ERO1A: variants seen among roughly 807,000 people sequenced by gnomAD.
The protein encoded by ERO1A is endoplasmic reticulum oxidoreductase 1 alpha, also known as ERO1-like protein alpha.
In ERO1A, 49 loss-of-function variants were observed where a neutral mutation model predicts 76.9. The observed-to-expected ratio is 0.64, with a 90% confidence interval of 0.51 to 0.81. The LOEUF is 0.81. Among genes scored for constraint, ERO1A ranks in the 30% least tolerant of loss-of-function variants. The pLI is 0.00. For missense variants in ERO1A, 448 were observed against 542.1 expected (o/e 0.83, Z 1.72); for synonymous variants, 174 against 181.2 (o/e 0.96, Z 0.32).
intron 12 of ERO1A, among the ~76,000 whole-genome samples, 177 bp from the exon 13 acceptor site, chr14:52,652,485 A>G (rs1335836213): frequency 2.6e-5 from 4 of 152,190 alleles, no homozygotes; most frequent in Non-Finnish European, 5.9e-5. Context: ...CTAACTGCGT[A>G]ATACAGAAAT....
At chr14:52,669,507 C>A (rs1261114289) in intron 6 of ERO1A, among the ~76,000 whole-genome samples, 2 of 152,108 alleles carry the variant, frequency 1.3e-5, no homozygotes, top group East Asian at 3.8e-4. Context: ...TAGGTCTATA[C>A]CCCTCATCCA....
rs759733006 is a variant in ERO1A at position 52,683,875 on chromosome 14, A to G, written c.147T>C (p.Asp49=). ...VSGYLDDCTC[D]VETIDRFNNY... is the part of the protein sequence containing the mutation. ...TATTAAATCTATCAATGGTTTCAAC[A>G]TCACAGGTACAATCATCCAAGTAAC... The change falls in exon 2 of 16, where the codon GAT becomes GAC. Residue 49 remains aspartate (D), a synonymous_variant. Transcript: ENST00000395686. 6.3e-7 allele frequency: 1 copy of G among 1,592,876 alleles called. No individual in the cohort carries two copies. The highest frequency in any genetic ancestry group is 2.2e-5 in the East Asian group (1 of 44,556).
chr14:52,658,794 A>C (rs2040135410), intron 9 of ERO1A, among the ~76,000 whole-genome samples: 1 of 152,180 alleles, frequency 6.6e-6, no homozygotes, highest in Admixed American at 6.5e-5. Context: ...TACAACTATG[A>C]AAATAGCAAG....
chr14:52,677,428 T>G (rs1174528154), intron 4 of ERO1A, among the ~76,000 whole-genome samples: 1 of 152,122 alleles, frequency 6.6e-6, no homozygotes, highest in Non-Finnish European at 1.5e-5. Flanking sequence ...ACCTGACTAG[T>G]ACTACTCAAA....
intron 1 of ERO1A, among the ~76,000 whole-genome samples, chr14:52,693,259 G>T (rs760160588): frequency 5.9e-5 from 9 of 151,888 alleles, no homozygotes; most frequent in Non-Finnish European, 1.0e-4. Flanking sequence ...CCTTAATCTG[G>T]GTAGGCACAA....
intron 4 of ERO1A, among the ~76,000 whole-genome samples, chr14:52,674,876 T>C (rs2040727848): frequency 6.6e-6 from 1 of 152,226 alleles, no homozygotes; most frequent in Non-Finnish European, 1.5e-5. Flanking sequence ...TGTATGGTAA[T>C]ACTTTTATTA....
intron 12 of ERO1A, among the ~76,000 whole-genome samples, chr14:52,652,643 C>T (rs2039911575): frequency 6.6e-6 from 1 of 152,156 alleles, no homozygotes; most frequent in Non-Finnish European, 1.5e-5. Flanking sequence ...AAAAGACCTA[C>T]AAGCAAAATT....
At position 52,683,886 on chromosome 14, in the gene ERO1A, A is replaced by G. The variant is rs2041083352; in HGVS notation, c.136T>C (p.Cys46Arg). 14 of 1,589,766 alleles carry G rather than the reference A, an allele frequency of 8.8e-6. No individual in the cohort carries two copies. The highest frequency in any genetic ancestry group is 1.2e-5 in the Non-Finnish European group (14 of 1,165,700). The change falls in exon 2 of 16, where the codon TGT (cysteine) becomes CGT (arginine). Residue 46 changes from cysteine to arginine, a missense_variant. Physicochemically the swap from Cys to Arg is radical, Grantham distance 180 (BLOSUM62 -3). This residue lies in a region of ERO1A where 146 missense variants were observed against 130.2 expected (regional missense o/e 1.12). Coordinates refer to ENST00000395686, the MANE Select transcript of ERO1A (RefSeq NM_014584.3). ...TCAATGGTTTCAACATCACAGGTAC[A>G]ATCATCCAAGTAACCACTAACCTGT... ...FCQVSGYLDD[C>R]TCDVETIDRF...
intron 9 of ERO1A, among the ~76,000 whole-genome samples, chr14:52,658,918 T>C (rs2040140250): frequency 6.6e-6 from 1 of 152,190 alleles, no homozygotes; most frequent in Admixed American, 6.5e-5. Context: ...ACAGAGATGA[T>C]AAACACTGTA....
At chr14:52,673,014 C>T (rs1361846847) in intron 4 of ERO1A, among the ~76,000 whole-genome samples, 1 of 152,048 alleles carries the variant, frequency 6.6e-6, no homozygotes, top group Non-Finnish European at 1.5e-5. Flanking sequence ...GGACTTTCCT[C>T]ATTTAATGTG....
intron 1 of ERO1A, among the ~76,000 whole-genome samples, chr14:52,690,658 G>A (rs552947186): frequency 2.0e-5 from 3 of 152,092 alleles, no homozygotes; most frequent in Non-Finnish European, 4.4e-5. Flanking sequence ...CCAAGATCAC[G>A]CCACTGCACT....
At chr14:52,657,047 A>G (rs965411553) in intron 11 of ERO1A, among the ~76,000 whole-genome samples, 11 of 152,228 alleles carry the variant, frequency 7.2e-5, no homozygotes, top group African/African-American at 2.7e-4. Context: ...GCAGCTTTCC[A>G]TGAGGCACAC....
Position 52,666,434 on chromosome 14 carries a change from A to G in ERO1A, c.570T>C (p.Gly190=), listed in dbSNP as rs753374682. ...DLLLNPERYT[G]YKGPDAWKIW... is the part of the protein sequence containing the mutation. ...TTTTCCAAGCATCTGGTCCCTTGTAACCAGTGTAGCGCTCAGGATTAAGAA... is the reference window on the plus strand; with the variant it reads ...TTTTCCAAGCATCTGGTCCCTTGTAGCCAGTGTAGCGCTCAGGATTAAGAA... Residue 190 remains glycine, a synonymous_variant, in exon 7 of 16, where the codon GGT becomes GGC. Transcript: ENST00000395686. 1.8e-5 allele frequency: 29 copies of G among 1,611,842 alleles called. No homozygotes were observed. The highest frequency in any genetic ancestry group is 2.2e-5 in the Non-Finnish European group (26 of 1,178,904).
chr14:52,653,397 GAAGTT>G (rs1223903190), intron 11 of ERO1A, 82 bp from the exon 12 acceptor site: 1 of 1,094,576 alleles, frequency 9.1e-7, no homozygotes. Flanking sequence ...CATGCCTATA[GAAGTT>G]AATTTCATTT....
intron 4 of ERO1A, among the ~76,000 whole-genome samples, chr14:52,673,338 C>T (rs914648582): frequency 2.0e-5 from 3 of 152,172 alleles, no homozygotes; most frequent in Admixed American, 6.5e-5. Context: ...AGTCTGTCTG[C>T]CTTGGCCTCC....
intron 1 of ERO1A, among the ~76,000 whole-genome samples, chr14:52,688,789 A>ATT (rs2139785802): frequency 1.3e-5 from 2 of 152,310 alleles, no homozygotes; most frequent in South Asian, 4.1e-4. Context: ...ATAAAGGAAA[A>ATT]TTACCACGTA....
Position 52,695,464 on chromosome 14 carries a change from TC to T in ERO1A, c.17del (p.Gly6AspfsTer74). The T allele has an allele frequency of 6.5e-7, 1 of 1,530,758 alleles. No individual in the cohort carries two copies. Among genetic ancestry groups the T allele is most frequent in the Non-Finnish European group, 8.8e-7 (1 of 1,137,432 alleles). The allele number at this position is 1,530,758 out of a possible 1,614,324, so 94.8% of individuals were successfully genotyped here. On this transcript the variant is annotated frameshift_variant, in exon 1 of 16. Transcript: ENST00000395686. LOFTEE classifies it high-confidence loss of function. ...CGGCGCCCAGGAGGCCAAACAAGAA[TC>T]CCCAGCCGCGGCCCATTGCAGCTCC... The part of the protein sequence containing the change: MGRGW[G>X]FLFGLLGAVW...
intron 15 of ERO1A, 80 bp from the exon 16 acceptor site, chr14:52,643,710 AC>A: frequency 1.4e-6 from 1 of 727,672 alleles, no homozygotes; most frequent in Non-Finnish European, 2.2e-6. Context: ...GCATTTTAAA[AC>A]ATTTTTAAAG....
intron 9 of ERO1A, among the ~76,000 whole-genome samples, chr14:52,660,592 T>C (rs914320549): frequency 1.3e-5 from 2 of 152,308 alleles, no homozygotes; most frequent in Admixed American, 1.3e-4. Flanking sequence ...AGCATTGTTA[T>C]CAGACTTTAG....
Sources: allele counts gnomAD v4.1 joint callset (sites outside exome capture counted in the v4.1 genomes callset), GRCh38; gene constraint gnomAD v4.1.1; regional missense constraint gnomAD v4.1.1; transcripts MANE v1.5; gene names NCBI Gene and HGNC (gene_info 2026-07-23, HGNC 2026-07-21).